NDUFS4: variants seen among roughly 807,000 people sequenced by gnomAD.
NDUFS4 encodes NADH dehydrogenase [ubiquinone] iron-sulfur protein 4, mitochondrial.
Under a neutral mutation model 24.3 loss-of-function variants are expected in NDUFS4, and 28 were observed. That is an observed-to-expected ratio of 1.15 (90% confidence interval 0.85 to 1.58). The LOEUF (loss-of-function observed/expected upper bound fraction) is 1.58. NDUFS4 is among the 40% of genes most tolerant of loss of function. NDUFS4 has a pLI of 0.00. For synonymous variants in NDUFS4, 93 were observed against 69.7 expected, an observed-to-expected ratio of 1.34 and a Z score of -1.67; for missense variants, 223 against 207.9, an observed-to-expected ratio of 1.07 and a Z score of -0.45.
chr5:53,583,164 A>C (rs1007732341), intron 1 of NDUFS4, among the ~76,000 whole-genome samples: 5 of 152,288 alleles, frequency 3.3e-5, no homozygotes, highest in Admixed American at 2.6e-4. Flanking sequence ...GGTGTGAGCC[A>C]CTGCACCCGG....
At chr5:53,612,626 C>G (rs1579872507) in intron 2 of NDUFS4, among the ~76,000 whole-genome samples, 1 of 152,036 alleles carries the variant, frequency 6.6e-6, no homozygotes, top group Non-Finnish European at 1.5e-5. Context: ...TATTTTGCTA[C>G]TTGAAAATTT....
At chr5:53,655,617 C>T (rs1752138166) in intron 3 of NDUFS4, among the ~76,000 whole-genome samples, 1 of 152,028 alleles carries the variant, frequency 6.6e-6, no homozygotes. Context: ...AGTTAATATT[C>T]AAACAATTAA....
intron 2 of NDUFS4, among the ~76,000 whole-genome samples, chr5:53,609,797 T>A (rs1223350968): frequency 1.1e-5 from 1 of 93,058 alleles, no homozygotes; most frequent in African/African-American, 4.5e-5. Flanking sequence ...CACTTTTATA[T>A]TATATAGATG....
At chr5:53,660,352 G>GTA (rs1257771833) in intron 4 of NDUFS4, among the ~76,000 whole-genome samples, 2 of 152,040 alleles carry the variant, frequency 1.3e-5, no homozygotes, top group African/African-American at 4.8e-5. Flanking sequence ...TGGCTGCATA[G>GTA]TATTCCATGG....
At chr5:53,593,273 A>T (rs1750031943) in intron 1 of NDUFS4, among the ~76,000 whole-genome samples, 1 of 152,012 alleles carries the variant, frequency 6.6e-6, no homozygotes, top group Non-Finnish European at 1.5e-5. Flanking sequence ...CTGTTTTTCA[A>T]ATAATTAGCC....
chr5:53,581,977 C>A lies in NDUFS4; in HGVS notation c.98+21217C>A, dbSNP rs370675100. Among the ~76,000 whole-genome samples, 8 of 152,060 alleles carry A rather than the reference C, an allele frequency of 5.3e-5. No individual in the cohort carries two copies. In the East Asian group the frequency reaches 1.2e-3, roughly 22 times the overall value. On this transcript the variant is annotated intron_variant, in intron 1 of 4. Transcript: ENST00000296684. ...CTGTAATCCCAGCACTTTGGGAGGC[C>A]GAGGCAGGTGGATCATGAGGTCAGG... is the stretch of plus-strand genomic sequence containing the variant.
intron 4 of NDUFS4, among the ~76,000 whole-genome samples, chr5:53,664,375 C>A (rs1206494633): frequency 1.3e-5 from 2 of 152,074 alleles, no homozygotes; most frequent in African/African-American, 4.8e-5. Flanking sequence ...TGAATATTGG[C>A]CTGCTTTGCT....
chr5:53,634,341 C>T (rs1485149158), intron 2 of NDUFS4, among the ~76,000 whole-genome samples: 3 of 151,990 alleles, frequency 2.0e-5, no homozygotes, highest in Non-Finnish European at 4.4e-5. Flanking sequence ...AATTAAGTTC[C>T]TTTATTGCTT....
intron 1 of NDUFS4, among the ~76,000 whole-genome samples, chr5:53,591,150 T>TACCACATTTTGTTTAC (rs1749943786): frequency 6.6e-6 from 1 of 152,206 alleles, no homozygotes; most frequent in African/African-American, 2.4e-5. Context: ...TGTATGTATA[T>TACCACATTTTGTTTAC]ACCACATTTT....
chr5:53,563,754 G>A (rs775632174), intron 1 of NDUFS4, among the ~76,000 whole-genome samples: 1 of 152,044 alleles, frequency 6.6e-6, no homozygotes, highest in Non-Finnish European at 1.5e-5. Context: ...CACCCGCCCC[G>A]GCCTCCCAAA....
At chr5:53,617,356 T>C (rs1206116587) in intron 2 of NDUFS4, among the ~76,000 whole-genome samples, 2 of 152,184 alleles carry the variant, frequency 1.3e-5, no homozygotes, top group Non-Finnish European at 2.9e-5. Context: ...TGTCTTTTGC[T>C]GACTATGTAG....
chr5:53,656,049 G>A (rs776972793), intron 3 of NDUFS4, among the ~76,000 whole-genome samples: 2 of 152,094 alleles, frequency 1.3e-5, no homozygotes, highest in South Asian at 2.1e-4. Flanking sequence ...CCTGGACTCC[G>A]TCTCCAGGCT....
chr5:53,582,512 T>G (rs1361161394), intron 1 of NDUFS4, among the ~76,000 whole-genome samples: 2 of 152,194 alleles, frequency 1.3e-5, no homozygotes, highest in African/African-American at 4.8e-5. Flanking sequence ...GGGAGGAAAC[T>G]GGAGTACACA....
chr5:53,658,730 C>A, intron 4 of NDUFS4, 106 bp downstream of exon 4: 45 of 707,884 alleles, frequency 6.4e-5, no homozygotes, highest in Middle Eastern at 4.6e-4. Context: ...CCAGTGGTTT[C>A]ATTGTATCTA....
At chr5:53,597,159 G>A (rs1750157307) in intron 1 of NDUFS4, among the ~76,000 whole-genome samples, 1 of 152,090 alleles carries the variant, frequency 6.6e-6, no homozygotes, top group Non-Finnish European at 1.5e-5. Flanking sequence ...AGTGCTATTG[G>A]CTGTCAATTC....
intron 4 of NDUFS4, among the ~76,000 whole-genome samples, chr5:53,672,234 CA>C (rs879689009): frequency 8.8e-4 from 124 of 140,580 alleles, no homozygotes; most frequent in East Asian, 8.8e-3. Context: ...AAAAACAAAA[CA>C]AAAAAAAAAA....
intron 3 of NDUFS4, among the ~76,000 whole-genome samples, chr5:53,646,692 C>T (rs953617471): frequency 4.9e-5 from 7 of 143,228 alleles, no homozygotes; most frequent in African/African-American, 1.3e-4. Context: ...ATGTATACAG[C>T]AGTCCCCCCT....
In NDUFS4 at chr5:53,664,477, G is replaced by A. The variant is rs369159175; in HGVS notation, c.424+5853G>A. 1.5e-4 allele frequency among the ~76,000 whole-genome samples: 23 copies of A among 152,258 alleles called. No individual in the cohort carries two copies. The East Asian group carries it at 4.4e-3, about 29-fold the overall frequency. ...TCACTTTCAGGTACACCAATCAGAC[G>A]TAGATTTGGTCTTTTCATATAGTCC... On this transcript the variant is annotated intron_variant, in intron 4 of 4. Transcript: ENST00000296684.
chr5:53,608,822 T>C (rs183489468), intron 2 of NDUFS4, among the ~76,000 whole-genome samples: 2 of 152,326 alleles, frequency 1.3e-5, no homozygotes, highest in African/African-American at 4.8e-5. Flanking sequence ...GGACATGCCA[T>C]GTCAAAATAA....
Sources: gnomAD v4.1 joint callset for allele counts (sites outside exome capture counted in the v4.1 genomes callset) on GRCh38, gnomAD v4.1.1 for gene constraint, MANE v1.5 for transcripts, NCBI Gene and HGNC (gene_info 2026-07-23, HGNC 2026-07-21) for gene names.